Variants in TSHZ3 observed in about 807,000 individuals in gnomAD.
TSHZ3 encodes the protein teashirt homolog 3.
A neutral mutation model predicts 64.5 loss-of-function variants in TSHZ3; 10 were observed. The ratio of observed to expected loss-of-function variants is 0.16; its 90% CI spans 0.10 to 0.26. TSHZ3 has a LOEUF of 0.26. Ranked by LOEUF, TSHZ3 falls within the 10% of genes least tolerant of loss-of-function variation. The pLI, the probability that TSHZ3 is intolerant of heterozygous loss-of-function variation, is 1.00. For synonymous variants in TSHZ3, 608 were observed against 593.1 expected (o/e 1.03, Z -0.36); for missense variants, 1,242 against 1,421.7 (o/e 0.87, Z 2.03).
At chr19:31,272,036 G>A (rs1189240144), downstream of TSHZ3, among the ~76,000 whole-genome samples, 2 of 152,072 alleles carry the variant, frequency 1.3e-5, no homozygotes, top group African/African-American at 4.8e-5. Flanking sequence ...GACTGTGGCA[G>A]ATGAATTTGA....
In TSHZ3 at chr19:31,279,258, C is replaced by G; in HGVS notation, c.535G>C (p.Val179Leu). ...QSAMAKTLQQVSQSRMLPEPS... is the reference protein window; with the variant it reads ...QSAMAKTLQQLSQSRMLPEPS... ...TCCGGGAGCATGCGGCTCTGTGACA[C>G]CTGCTGCAGCGTCTTAGCCATGGCG... Residue 179 changes from valine to leucine, a missense_variant, in exon 2 of 2, where the codon GTG becomes CTG. By Grantham distance (32) the Val-to-Leu change is conservative. Coordinates refer to ENST00000240587, the MANE Select transcript of TSHZ3 (RefSeq NM_020856.4). This position sits in a 1 kb window ranked among gnomAD's most constrained non-coding sequence, Gnocchi z 6.4. 1 of 1,614,152 alleles carries G rather than the reference C, an allele frequency of 6.2e-7. No homozygotes were observed. Among genetic ancestry groups the G allele is most frequent in the Non-Finnish European group, 8.5e-7 (1 of 1,180,020 alleles).
intron 1 of TSHZ3, among the ~76,000 whole-genome samples, chr19:31,319,266 G>A (rs1028099823): frequency 2.0e-5 from 3 of 152,174 alleles, no homozygotes; most frequent in Admixed American, 6.5e-5. Context: ...CAGATAAAAA[G>A]AAGAACGTTG....
chr19:31,337,657 A>T (rs1917290256), intron 1 of TSHZ3, among the ~76,000 whole-genome samples: 1 of 152,076 alleles, frequency 6.6e-6, no homozygotes. Context: ...ACCAAAAGTA[A>T]ATTCTAAGTC....
intron 3 of TSHZ3, among the ~76,000 whole-genome samples, chr19:31,229,830 G>A (rs953182554): frequency 6.6e-6 from 1 of 152,180 alleles, no homozygotes; most frequent in Non-Finnish European, 1.5e-5. Flanking sequence ...TTTGCAAGCT[G>A]TCAAAGATGT....
chr19:31,317,064 C>G (rs138721998), intron 1 of TSHZ3, among the ~76,000 whole-genome samples: 1 of 152,134 alleles, frequency 6.6e-6, no homozygotes, highest in Non-Finnish European at 1.5e-5. Flanking sequence ...GAAAGGACCA[C>G]GGGAGTTGAA....
intron 1 of TSHZ3, among the ~76,000 whole-genome samples, chr19:31,344,588 G>A (rs947674920): frequency 6.6e-6 from 1 of 152,112 alleles, no homozygotes; most frequent in Non-Finnish European, 1.5e-5. Flanking sequence ...CTGCCTCCCC[G>A]CGGGCCTGCC....
chr19:31,153,289 AAAATGTACATTCTAGACTAT>A (rs1198453358), intron 6 of TSHZ3, among the ~76,000 whole-genome samples: 3 of 152,238 alleles, frequency 2.0e-5, no homozygotes, highest in Non-Finnish European at 2.9e-5. Flanking sequence ...TTCCTACTAA[AAAATGTACATTCTAGACTAT>A]AAGTCTTCTA....
intron 1 of TSHZ3, among the ~76,000 whole-genome samples, chr19:31,322,671 C>T (rs933073806): frequency 5.3e-5 from 8 of 151,560 alleles, no homozygotes; most frequent in African/African-American, 1.7e-4. Context: ...CCTCCTGCCT[C>T]GGCCTCCCAA....
Position 31,167,008 on chromosome 19 carries a change from CA to C in TSHZ3, n.810-10592del, listed in dbSNP as rs565922367. On this transcript the variant is annotated intron_variant and non_coding_transcript_variant, in intron 5 of 6. Coordinates refer to the TSHZ3 transcript ENST00000651361. The stretch of plus-strand genomic sequence containing the variant: ...AAAGGGGAAGGCTCCACCCAGAGCA[CA>C]CGCAATCTTTGGGAAGTGGAGCTGA... Among the ~76,000 whole-genome samples the C allele has an allele frequency of 2.9e-3, 437 of 152,268 alleles. 2 individuals carry two copies. The highest frequency in any genetic ancestry group is 5.2e-3 in the Admixed American group (79 of 15,302).
At chr19:31,272,626 C>T (rs764147843), downstream of TSHZ3, among the ~76,000 whole-genome samples, 7 of 152,102 alleles carry the variant, frequency 4.6e-5, no homozygotes, top group Admixed American at 1.3e-4. Flanking sequence ...TTGACTGCAG[C>T]GAATTGCTAA....
chr19:31,200,944 C>G (rs544274651), intron 5 of TSHZ3, among the ~76,000 whole-genome samples: 3 of 152,046 alleles, frequency 2.0e-5, no homozygotes, highest in Admixed American at 2.0e-4. Context: ...AGTGGGCTTT[C>G]AAATACCACA....
At chr19:31,293,100 CCCAAAAACGTACCCATCCAT>C (rs1976602914) in intron 1 of TSHZ3, among the ~76,000 whole-genome samples, 2 of 151,254 alleles carry the variant, frequency 1.3e-5, no homozygotes, top group South Asian at 4.2e-4. Flanking sequence ...CATCCATCCA[CCCAAAAACGTACCCATCCAT>C]CCAAAAATCC....
At chr19:31,162,581 A>C (rs1974386166) in intron 5 of TSHZ3, among the ~76,000 whole-genome samples, 3 of 151,946 alleles carry the variant, frequency 2.0e-5, no homozygotes, top group Admixed American at 2.0e-4. Context: ...AGCACACGTC[A>C]TTTTTTGATC....
chr19:31,154,658 G>A (rs1277566821), intron 6 of TSHZ3, among the ~76,000 whole-genome samples: 4 of 152,216 alleles, frequency 2.6e-5, no homozygotes, highest in Non-Finnish European at 5.9e-5. Flanking sequence ...TCTCAGGTCA[G>A]CTCCCAGAAA....
chr19:31,201,765 A>G (rs572973167), intron 5 of TSHZ3, among the ~76,000 whole-genome samples: 3 of 152,300 alleles, frequency 2.0e-5, no homozygotes, highest in African/African-American at 7.2e-5. Flanking sequence ...TAAAAGTTGG[A>G]AATGTCTTAT....
intron 4 of TSHZ3, among the ~76,000 whole-genome samples, chr19:31,209,635 G>A (rs1439040655): frequency 1.3e-5 from 2 of 152,156 alleles, no homozygotes; most frequent in Non-Finnish European, 2.9e-5. Context: ...TAAGCGTTTG[G>A]TCATGCCTTA....
At chr19:31,331,573 G>C (rs965034249) in intron 1 of TSHZ3, among the ~76,000 whole-genome samples, 1 of 152,066 alleles carries the variant, frequency 6.6e-6, no homozygotes, top group Non-Finnish European at 1.5e-5. Context: ...CATAACGAAG[G>C]GAAGTCAACT....
chr19:31,151,005 G>A (rs1366429483), exon 7 of TSHZ3, among the ~76,000 whole-genome samples: 2 of 152,192 alleles, frequency 1.3e-5, no homozygotes, highest in Admixed American at 6.5e-5. Context: ...TGGGATGTAA[G>A]GGGCAGTTGA....
At chr19:31,150,069 G>A (rs1382062931) in exon 7 of TSHZ3, among the ~76,000 whole-genome samples, 4 of 152,236 alleles carry the variant, frequency 2.6e-5, no homozygotes, top group Non-Finnish European at 5.9e-5. Context: ...CATTCGCCGA[G>A]CACGGTGGGA....
Sources: allele counts gnomAD v4.1 joint callset (sites outside exome capture counted in the v4.1 genomes callset), GRCh38; gene constraint gnomAD v4.1.1; non-coding constraint Gnocchi (gnomAD v3.1); transcripts MANE v1.5; gene names NCBI Gene and HGNC (gene_info 2026-07-23, HGNC 2026-07-21).